The following MACROD2 variants were observed in gnomAD, a reference collection of about 807,000 sequenced individuals.
The protein encoded by MACROD2 is mono-ADP ribosylhydrolase 2, also known as ADP-ribose glycohydrolase MACROD2.
In MACROD2, 36 loss-of-function variants were observed where a neutral mutation model predicts 70.4. That is an observed-to-expected ratio of 0.51 (90% confidence interval 0.39 to 0.68). The LOEUF is 0.68. Among genes scored for constraint, MACROD2 ranks in the 30% least tolerant of loss-of-function variants. The pLI is 0.00. For synonymous variants in MACROD2, 172 were observed against 178.8 expected (o/e 0.96, Z 0.30); for missense variants, 496 against 538.4 (o/e 0.92, Z 0.78).
intron 3 of MACROD2, among the ~76,000 whole-genome samples, chr20:14,483,331 AC>A (rs1380919605): frequency 6.6e-6 from 1 of 152,126 alleles, no homozygotes; most frequent in Admixed American, 6.5e-5. Context: ...AAGTATTCTT[AC>A]CTATCTTTGT....
intron 4 of MACROD2, chr20:14,628,805 G>A (rs1210649108): frequency 2.0e-5 from 3 of 152,078 alleles, no homozygotes; most frequent in East Asian, 1.9e-4. Flanking sequence ...AGTGACAAGA[G>A]CTGTTCATCT....
At position 14,594,901 on chromosome 20, in the gene MACROD2, A is replaced by G. The variant is rs184928263; in HGVS notation, c.302-89942A>G. ...AGCGAGACTCCATCTCAAAAAACAA[A>G]CAAACAAAAACTAAATAAATAAGAA... On this transcript the variant is annotated intron_variant, in intron 4 of 17. Coordinates refer to ENST00000684519, the MANE Select transcript of MACROD2 (RefSeq NM_001351661.2). 1.1e-4 allele frequency among the ~76,000 whole-genome samples: 17 copies of G among 152,346 alleles called. No individual in the cohort carries two copies. In the East Asian group the frequency reaches 3.1e-3, roughly 28 times the overall value.
chr20:16,006,136 C>T lies in MACROD2; in HGVS notation c.1153+18978C>T, dbSNP rs148096458. On this transcript the variant is annotated intron_variant, in intron 15 of 17. Transcript: ENST00000684519. The stretch of plus-strand genomic sequence containing the variant: ...GCAAAGACCCTCTCCTCCGCCCATC[C>T]CTCCTTCTTTAGGCACTTTAAATTC... Among the ~76,000 whole-genome samples, 261 of 152,284 alleles carry T rather than the reference C, an allele frequency of 1.7e-3. 2 individuals carry two copies. The highest frequency in any genetic ancestry group is 6.2e-3 in the African/African-American group (257 of 41,552).
chr20:15,668,316 C>G (rs1280330111), intron 8 of MACROD2, among the ~76,000 whole-genome samples: 1 of 149,570 alleles, frequency 6.7e-6, no homozygotes, highest in East Asian at 2.0e-4. Flanking sequence ...GTAATCAATC[C>G]CAGCATTTTG....
At chr20:14,922,464 CA>C (rs1365517030) in intron 5 of MACROD2, among the ~76,000 whole-genome samples, 1 of 152,052 alleles carries the variant, frequency 6.6e-6, no homozygotes, top group African/African-American at 2.4e-5. Flanking sequence ...TTTTATATTC[CA>C]AATTATTTTA....
chr20:15,561,140 A>G (rs1205823086), intron 8 of MACROD2, among the ~76,000 whole-genome samples: 1 of 152,226 alleles, frequency 6.6e-6, no homozygotes, highest in Non-Finnish European at 1.5e-5. Flanking sequence ...AACGCTACTC[A>G]ATGACATCAT....
chr20:14,068,297 A>G (rs2053793744), intron 2 of MACROD2, among the ~76,000 whole-genome samples: 1 of 146,708 alleles, frequency 6.8e-6, no homozygotes. Flanking sequence ...AGTTTCTGAG[A>G]TTCCAAACTA....
intron 3 of MACROD2, among the ~76,000 whole-genome samples, chr20:14,472,363 A>C (rs964848741): frequency 1.3e-5 from 2 of 150,852 alleles, no homozygotes; most frequent in East Asian, 2.4e-4. Flanking sequence ...CAGAATGCTT[A>C]CTGTAAAATT....
At chr20:14,177,466 A>C (rs1181888053) in intron 3 of MACROD2, among the ~76,000 whole-genome samples, 2 of 151,820 alleles carry the variant, frequency 1.3e-5, no homozygotes, top group African/African-American at 4.8e-5. Flanking sequence ...ACAGGTATGC[A>C]CCACCACGCC....
intron 5 of MACROD2, among the ~76,000 whole-genome samples, chr20:14,689,063 C>T (rs1685403453): frequency 6.6e-6 from 1 of 152,132 alleles, no homozygotes; most frequent in Non-Finnish European, 1.5e-5. Flanking sequence ...TCCTTCTGTG[C>T]TTCCCCCACT....
At chr20:15,641,965 T>G (rs1301752383) in intron 8 of MACROD2, among the ~76,000 whole-genome samples, 1 of 152,188 alleles carries the variant, frequency 6.6e-6, no homozygotes, top group African/African-American at 2.4e-5. Flanking sequence ...CTGCAAAGTC[T>G]TCTTCTTTTC....
chr20:14,906,658 T>C (rs1425862977), intron 5 of MACROD2, among the ~76,000 whole-genome samples: 1 of 152,134 alleles, frequency 6.6e-6, no homozygotes, highest in Non-Finnish European at 1.5e-5. Context: ...ATATCGAATA[T>C]ACCAAAATAT....
intron 3 of MACROD2, among the ~76,000 whole-genome samples, chr20:14,277,834 C>G (rs1314548088): frequency 6.6e-6 from 1 of 152,128 alleles, no homozygotes; most frequent in African/African-American, 2.4e-5. Flanking sequence ...TCTTTTCTCA[C>G]TCTGTAATTC....
At chr20:14,927,151 G>A (rs903126937) in intron 5 of MACROD2, among the ~76,000 whole-genome samples, 2 of 152,078 alleles carry the variant, frequency 1.3e-5, no homozygotes, top group African/African-American at 2.4e-5. Flanking sequence ...GATCCCGTAC[G>A]TAAGTGAGAT....
rs147646432 is a variant in MACROD2, at chr20:14,826,561, G to T, written c.418+141602G>T. 2.0e-5 allele frequency among the ~76,000 whole-genome samples: 3 copies of T among 151,978 alleles called. 1 individual carries two copies. Among genetic ancestry groups the T allele is most frequent in the Non-Finnish European group, 4.4e-5 (3 of 67,972 alleles). On this transcript the variant is annotated intron_variant, in intron 5 of 17. Coordinates refer to ENST00000684519, the MANE Select transcript of MACROD2 (RefSeq NM_001351661.2). ...GTCTATTTTGCTTTTGGCAGAATTC[G>T]TGTATCTATTGAGTTGCATTCTGTT...
At chr20:15,684,866 G>A (rs781507648) in intron 8 of MACROD2, among the ~76,000 whole-genome samples, 2 of 152,082 alleles carry the variant, frequency 1.3e-5, no homozygotes, top group Non-Finnish European at 2.9e-5. Context: ...ACCATACATA[G>A]CGTTATTATT....
At chr20:15,772,096 AAAAAAATATATATATAT>A (rs1352331359) in intron 8 of MACROD2, among the ~76,000 whole-genome samples, 19 of 101,424 alleles carry the variant, frequency 1.9e-4, no homozygotes, top group African/African-American at 9.4e-4. Context: ...AAAAAAAAAA[AAAAAAATATATATATAT>A]ATATATATAT....
chr20:15,047,408 T>C (rs2075403443), intron 5 of MACROD2, among the ~76,000 whole-genome samples: 1 of 152,066 alleles, frequency 6.6e-6, no homozygotes, highest in Non-Finnish European at 1.5e-5. Flanking sequence ...TCTGATGCAA[T>C]GTAAGTAAGA....
At chr20:14,284,069 G>T (rs184698863) in intron 3 of MACROD2, among the ~76,000 whole-genome samples, 15 of 152,248 alleles carry the variant, frequency 9.9e-5, no homozygotes, top group Non-Finnish European at 2.9e-5. Flanking sequence ...CTTTAAAATT[G>T]CCATGTGAAA....
Sources: gnomAD v4.1 joint callset for allele counts (sites outside exome capture counted in the v4.1 genomes callset) on GRCh38, gnomAD v4.1.1 for gene constraint, MANE v1.5 for transcripts, NCBI Gene and HGNC (gene_info 2026-07-23, HGNC 2026-07-21) for gene names.